Variants in NTRK3 observed in about 807,000 individuals in gnomAD.
NTRK3 encodes neurotrophic receptor tyrosine kinase 3, also known as NT-3 growth factor receptor.
Under a neutral mutation model 91.7 loss-of-function variants are expected in NTRK3, and 24 were observed. The ratio of observed to expected loss-of-function variants is 0.26; its 90% CI spans 0.19 to 0.37. The LOEUF (loss-of-function observed/expected upper bound fraction) is 0.37. Ranked by LOEUF, NTRK3 falls within the 10% of genes least tolerant of loss-of-function variation. The pLI is 1.00. For missense variants in NTRK3, 880 were observed against 1,068.9 expected (o/e 0.82, Z 2.46); for synonymous variants, 483 against 404.0 (o/e 1.20, Z -2.34).
chr15:87,959,442 G>A (rs1477080390), intron 14 of NTRK3, among the ~76,000 whole-genome samples: 2 of 152,168 alleles, frequency 1.3e-5, no homozygotes, highest in Non-Finnish European at 2.9e-5. Context: ...AGCACCAACT[G>A]AGATGGCTGC....
intron 17 of NTRK3, among the ~76,000 whole-genome samples, chr15:87,881,528 T>A (rs2065252011): frequency 6.6e-6 from 1 of 151,658 alleles, no homozygotes; most frequent in Non-Finnish European, 1.5e-5. Flanking sequence ...CACGCCATTC[T>A]CCTGCCTCAG....
At chr15:88,061,387 C>T (rs1162119255) in intron 13 of NTRK3, among the ~76,000 whole-genome samples, 1 of 152,206 alleles carries the variant, frequency 6.6e-6, no homozygotes, top group Non-Finnish European at 1.5e-5. Context: ...TACTTGACCC[C>T]CAGTGGTCAG....
intron 13 of NTRK3, among the ~76,000 whole-genome samples, chr15:88,074,684 G>A (rs1466799872): frequency 6.6e-6 from 1 of 152,150 alleles, no homozygotes; most frequent in Non-Finnish European, 1.5e-5. Context: ...TTTTCCTGTG[G>A]CTCTGCCAAA....
intron 5 of NTRK3, among the ~76,000 whole-genome samples, chr15:88,176,277 C>T (rs942752620): frequency 1.3e-5 from 2 of 151,844 alleles, no homozygotes; most frequent in African/African-American, 4.8e-5. Flanking sequence ...GTTGGGACTA[C>T]AGGCAAGCGC....
At chr15:88,077,231 C>T (rs1006731779) in intron 13 of NTRK3, among the ~76,000 whole-genome samples, 1 of 152,184 alleles carries the variant, frequency 6.6e-6, no homozygotes, top group Non-Finnish European at 1.5e-5. Context: ...CTTCTGGCCC[C>T]TTCCTCCCAT....
intron 9 of NTRK3, 60 bp downstream of exon 9, chr15:88,135,839 C>T: frequency 6.2e-7 from 1 of 1,601,644 alleles, no homozygotes; most frequent in Non-Finnish European, 8.5e-7. Flanking sequence ...GGCCCCTCTC[C>T]AGCCTCCTAT....
intron 17 of NTRK3, among the ~76,000 whole-genome samples, chr15:87,911,362 C>A (rs927408249): frequency 6.6e-6 from 1 of 152,170 alleles, no homozygotes; most frequent in Non-Finnish European, 1.5e-5. Flanking sequence ...GTAGAGTTGG[C>A]TTTTAGGATC....
intron 13 of NTRK3, chr15:88,099,078 G>A (rs1023306302): frequency 8.7e-6 from 2 of 231,024 alleles, no homozygotes; most frequent in Non-Finnish European, 1.7e-5. Context: ...GCACAGGGCT[G>A]AAAGAGCATT....
intron 17 of NTRK3, among the ~76,000 whole-genome samples, chr15:87,896,426 G>A (rs915188229): frequency 2.4e-4 from 36 of 148,676 alleles, no homozygotes; most frequent in Non-Finnish European, 1.5e-4. Context: ...AGCCAAGATC[G>A]CACCACTGCA....
chr15:88,255,864 G>A lies in NTRK3; in HGVS notation c.248+42C>T, dbSNP rs2054006501. 6.4e-7 allele frequency: 1 copy of A among 1,570,302 alleles called. No individual in the cohort carries two copies. The highest frequency in any genetic ancestry group is 8.7e-7 in the Non-Finnish European group (1 of 1,152,884). ...CGCGGGTGGGCAGGAGGGAGACGCA[G>A]AGCGCGGGGGAGGCAGGCTGGGGAG... On this transcript the variant is annotated intron_variant, in intron 3 of 18. Coordinates refer to ENST00000394480, the Ensembl canonical transcript of NTRK3. This position sits in a 1 kb window ranked among gnomAD's most constrained non-coding sequence, Gnocchi z 4.3.
intron 5 of NTRK3, among the ~76,000 whole-genome samples, chr15:88,155,307 G>T (rs1175113286): frequency 6.6e-6 from 1 of 152,216 alleles, no homozygotes; most frequent in Non-Finnish European, 1.5e-5. Flanking sequence ...TGGCTTTGAA[G>T]ATGGAAGAGG....
chr15:87,925,799 T>C (rs2068258844), intron 17 of NTRK3: 3 of 175,160 alleles, frequency 1.7e-5, no homozygotes, highest in South Asian at 4.0e-4. Flanking sequence ...TCTACTCCTT[T>C]GGAGCAGCTG....
At chr15:88,019,266 G>A (rs2077444478) in intron 14 of NTRK3, among the ~76,000 whole-genome samples, 1 of 152,236 alleles carries the variant, frequency 6.6e-6, no homozygotes, top group South Asian at 2.1e-4. Flanking sequence ...TACTCCTAGA[G>A]GAGCAGGATG....
At chr15:88,033,157 T>C in intron 13 of NTRK3, 112 bp from the exon 14 acceptor site, 1 of 705,494 alleles carries the variant, frequency 1.4e-6, no homozygotes, top group Non-Finnish European at 2.2e-6. Context: ...TTTTCTTTTT[T>C]TTACTTTTGG....
At chr15:88,157,592 C>T (rs1478683019) in intron 5 of NTRK3, among the ~76,000 whole-genome samples, 1 of 151,868 alleles carries the variant, frequency 6.6e-6, no homozygotes, top group Non-Finnish European at 1.5e-5. Context: ...GGTGTCAGCA[C>T]AAACCTTCAC....
intron 13 of NTRK3, among the ~76,000 whole-genome samples, chr15:88,041,135 C>T (rs2079565277): frequency 1.3e-5 from 2 of 152,166 alleles, no homozygotes; most frequent in Admixed American, 1.3e-4. Flanking sequence ...TGCCAGCTCC[C>T]CTGTGATTGG....
intron 14 of NTRK3, among the ~76,000 whole-genome samples, chr15:88,024,501 C>T (rs1265111950): frequency 6.6e-6 from 1 of 152,084 alleles, no homozygotes; most frequent in Non-Finnish European, 1.5e-5. Context: ...TGAAGAGAAC[C>T]AACAGAGATG....
At chr15:88,030,694 G>C (rs986936145) in intron 14 of NTRK3, among the ~76,000 whole-genome samples, 6 of 152,056 alleles carry the variant, frequency 3.9e-5, no homozygotes, top group Admixed American at 1.3e-4. Flanking sequence ...GCCATGTGTA[G>C]AGTGACAAAA....
chr15:88,116,022 A>G (rs2052026386), intron 13 of NTRK3, among the ~76,000 whole-genome samples: 2 of 152,180 alleles, frequency 1.3e-5, no homozygotes, highest in Admixed American at 6.5e-5. Context: ...CTGTCACAGC[A>G]GCTCAAGGAG....
Sources: gnomAD v4.1 joint callset for allele counts (sites outside exome capture counted in the v4.1 genomes callset) on GRCh38, gnomAD v4.1.1 for gene constraint, Gnocchi (gnomAD v3.1) non-coding constraint, MANE v1.5 for transcripts, NCBI Gene and HGNC (gene_info 2026-07-23, HGNC 2026-07-21) for gene names.